Variants in DROSHA observed in about 807,000 individuals in gnomAD.
DROSHA encodes the protein ribonuclease 3.
Under a neutral mutation model 181.9 loss-of-function variants are expected in DROSHA, and 56 were observed. That is an observed-to-expected ratio of 0.31 (90% CI 0.25 to 0.38). DROSHA has a LOEUF of 0.38. Among genes scored for constraint, DROSHA ranks in the 10% least tolerant of loss-of-function variants. DROSHA has a pLI of 1.00. For synonymous variants in DROSHA, 524 were observed against 591.2 expected (o/e 0.89, Z 1.65); for missense variants, 1,218 against 1,743.5 (o/e 0.70, Z 5.37).
In DROSHA at chr5:31,511,613, G is replaced by A. The variant is rs1469340828; in HGVS notation, c.1291-437C>T. 1.3e-5 allele frequency among the ~76,000 whole-genome samples: 2 copies of A among 151,846 alleles called. 1 individual carries two copies. The highest frequency in any genetic ancestry group is 2.9e-5 in the Non-Finnish European group (2 of 67,978). On this transcript the variant is annotated intron_variant, in intron 8 of 35. Transcript: ENST00000344624. The stretch of plus-strand genomic sequence containing the variant: ...GGAGGCTAAGGCAGGAGAACTGTTT[G>A]AGCCCAAGAGTTGGAGGATGCAGTG...
At chr5:31,517,452 A>G (rs1351797860) in intron 6 of DROSHA, among the ~76,000 whole-genome samples, 1 of 152,116 alleles carries the variant, frequency 6.6e-6, no homozygotes, top group African/African-American at 2.4e-5. Context: ...CTCTCTCTCC[A>G]AGGTGTAAGG....
intron 31 of DROSHA, 129 bp downstream of exon 31, chr5:31,410,617 A>G: frequency 1.5e-6 from 2 of 1,356,910 alleles, no homozygotes; most frequent in Non-Finnish European, 2.0e-6. Context: ...GGTAAAAAGC[A>G]TAAAAAATTA....
At chr5:31,405,528 A>G in intron 35 of DROSHA, 149 bp downstream of exon 35, 2 of 738,192 alleles carry the variant, frequency 2.7e-6, no homozygotes, top group Admixed American at 6.6e-5. Context: ...AATGTCTCAC[A>G]TTCTACTATA....
intron 4 of DROSHA, 78 bp downstream of exon 4, chr5:31,528,962 A>C (rs933844772): frequency 3.8e-6 from 6 of 1,570,982 alleles, no homozygotes; most frequent in Middle Eastern, 1.7e-4. Context: ...AATCCTTTCC[A>C]CCCTCTATAG....
intron 9 of DROSHA, among the ~76,000 whole-genome samples, chr5:31,509,387 C>T (rs932256376): frequency 3.3e-5 from 5 of 152,126 alleles, no homozygotes; most frequent in African/African-American, 9.7e-5. Context: ...CGTAGTTTAA[C>T]ACTTAAGCTA....
intron 25 of DROSHA, among the ~76,000 whole-genome samples, chr5:31,433,773 C>A (rs1235324107): frequency 6.6e-6 from 1 of 152,138 alleles, no homozygotes; most frequent in Non-Finnish European, 1.5e-5. Context: ...GTCTTGATCT[C>A]CTGACCTCGT....
intron 11 of DROSHA, among the ~76,000 whole-genome samples, chr5:31,497,094 A>T (rs1217018141): frequency 6.6e-6 from 1 of 152,230 alleles, no homozygotes; most frequent in Non-Finnish European, 1.5e-5. Context: ...CGGATCAGCC[A>T]GGCCAAGTGA....
rs558651557 is a variant in DROSHA, at chr5:31,410,706, T to G, written c.3667+40A>C. The G allele has an allele frequency of 1.9e-6, 3 of 1,596,916 alleles. No homozygotes were observed. In the African/African-American group the frequency reaches 4.0e-5, roughly 22 times the overall value. ...CAAATACGGTTACTTGGACTTAAACTCTGAACCTGGAGGTTGAGAGAAAAG... is the reference window on the plus strand; with the variant it reads ...CAAATACGGTTACTTGGACTTAAACGCTGAACCTGGAGGTTGAGAGAAAAG... On this transcript the variant is annotated intron_variant, in intron 31 of 35. Coordinates refer to ENST00000344624, the MANE Select transcript of DROSHA (RefSeq NM_001382508.1).
Position 31,462,257 on chromosome 5 carries a change from G to C in DROSHA, c.2574+1979C>G, listed in dbSNP as rs559254476. On this transcript the variant is annotated intron_variant, in intron 20 of 35. Transcript: ENST00000344624. Reference sequence around the variant, plus strand: ...GCTTTATCAAGTCATTTACATATGAGTAATTTTATCAAAATCTTAAAAAGA... The same window carrying C: ...GCTTTATCAAGTCATTTACATATGACTAATTTTATCAAAATCTTAAAAAGA... 1.9e-4 allele frequency among the ~76,000 whole-genome samples: 29 copies of C among 152,202 alleles called. 1 individual carries two copies. The East Asian group carries it at 5.4e-3, about 28-fold the overall frequency.
At chr5:31,476,323 C>T (rs2150031673) in intron 16 of DROSHA, among the ~76,000 whole-genome samples, 1 of 152,298 alleles carries the variant, frequency 6.6e-6, no homozygotes, top group African/African-American at 2.4e-5. Context: ...CGAGACTGTG[C>T]CACTGCACTC....
At position 31,408,965 on chromosome 5, in the gene DROSHA, A is replaced by C. The variant is rs572659965; in HGVS notation, c.3854+91T>G. ...TCAATCCTGGGCTCCTGTCATGATC[A>C]CCCCACAATGACTCATTCTTCAAGG... On this transcript the variant is annotated intron_variant, in intron 33 of 35. Coordinates refer to ENST00000344624, the MANE Select transcript of DROSHA (RefSeq NM_001382508.1). 3.1e-5 allele frequency: 37 copies of C among 1,196,666 alleles called. No homozygotes were observed. The East Asian group carries it at 8.5e-4, about 28-fold the overall frequency. The allele number at this position is 1,196,666 out of a possible 1,614,324, so 74.1% of individuals were successfully genotyped here.
Position 31,424,412 on chromosome 5 carries a change from G to T in DROSHA, c.3261+15C>A, listed in dbSNP as rs1306236764. 10 of 1,595,888 alleles carry T rather than the reference G, an allele frequency of 6.3e-6. No homozygotes were observed. The highest frequency in any genetic ancestry group is 5.1e-6 in the Non-Finnish European group (6 of 1,171,074). ...GAGTTATAAAGCTCACTGCAGACAG[G>T]GAGGTCATACTTACTTGGAGTGGGT... On this transcript the variant is annotated intron_variant, in intron 28 of 35. Coordinates refer to ENST00000344624, the MANE Select transcript of DROSHA (RefSeq NM_001382508.1).
At chr5:31,422,632 GTCCACAC>G (rs1742905514) in intron 29 of DROSHA, among the ~76,000 whole-genome samples, 148 bp downstream of exon 29, 1 of 152,156 alleles carries the variant, frequency 6.6e-6, no homozygotes, top group Non-Finnish European at 1.5e-5. Flanking sequence ...ATAACCCCAG[GTCCACAC>G]TGAGGTCTGT....
chr5:31,440,461 T>C (rs1413644922), intron 23 of DROSHA, among the ~76,000 whole-genome samples: 1 of 152,174 alleles, frequency 6.6e-6, no homozygotes, highest in East Asian at 1.9e-4. Flanking sequence ...ATCATTTCAC[T>C]TATCGCATTA....
intron 30 of DROSHA, among the ~76,000 whole-genome samples, chr5:31,413,171 A>T: frequency 6.6e-6 from 1 of 152,184 alleles, no homozygotes; most frequent in East Asian, 1.9e-4. Context: ...GGAGGAAAGC[A>T]GTGAGGATGG....
At chr5:31,437,116 G>A in intron 24 of DROSHA, 123 bp downstream of exon 24, 1 of 1,063,702 alleles carries the variant, frequency 9.4e-7, no homozygotes, top group East Asian at 2.6e-5. Flanking sequence ...CTCTACAAAA[G>A]AGATAAAATA....
chr5:31,511,222 T>A (rs765714838), intron 8 of DROSHA, 46 bp from the exon 9 acceptor site: 118 of 1,557,810 alleles, frequency 7.6e-5, no homozygotes, highest in Non-Finnish European at 9.5e-5. Flanking sequence ...TCAATAACGA[T>A]CATATCAAAG....
intron 20 of DROSHA, among the ~76,000 whole-genome samples, chr5:31,455,886 C>T (rs1013081925): frequency 5.3e-5 from 8 of 152,184 alleles, no homozygotes; most frequent in Non-Finnish European, 2.9e-5. Context: ...AGGTGATGCA[C>T]TTGCCTTGGC....
intron 11 of DROSHA, among the ~76,000 whole-genome samples, chr5:31,502,876 A>G (rs931673922): frequency 3.3e-5 from 5 of 152,212 alleles, no homozygotes; most frequent in Non-Finnish European, 7.3e-5. Context: ...GTACCTGGTC[A>G]TCCACTTTGT....
Sources: allele counts gnomAD v4.1 joint callset (sites outside exome capture counted in the v4.1 genomes callset), GRCh38; gene constraint gnomAD v4.1.1; transcripts MANE v1.5; gene names NCBI Gene and HGNC (gene_info 2026-07-23, HGNC 2026-07-21).